SLC4A10: variants seen among roughly 807,000 people sequenced by gnomAD.
The protein encoded by SLC4A10 is solute carrier family 4 member 10, also known as sodium-driven chloride bicarbonate exchanger.
A neutral mutation model predicts 137.7 loss-of-function variants in SLC4A10; 42 were observed. The observed-to-expected ratio is 0.30, with a 90% CI of 0.24 to 0.39. The LOEUF (loss-of-function observed/expected upper bound fraction) is 0.39. Ranked by LOEUF, SLC4A10 falls within the 10% of genes least tolerant of loss-of-function variation. The pLI is 1.00. For missense variants in SLC4A10, 925 were observed against 1,355.0 expected (o/e 0.68, Z 4.98); for synonymous variants, 474 against 464.1 (o/e 1.02, Z -0.27).
At chr2:161,927,500 CA>C (rs1305467407) in intron 15 of SLC4A10, among the ~76,000 whole-genome samples, 3 of 152,146 alleles carry the variant, frequency 2.0e-5, no homozygotes, top group Non-Finnish European at 4.4e-5. Flanking sequence ...GCAATGGCAA[CA>C]AAAGCCAAAA....
intron 1 of SLC4A10, among the ~76,000 whole-genome samples, chr2:161,714,964 T>C (rs2044684156): frequency 6.6e-6 from 1 of 152,040 alleles, no homozygotes; most frequent in Non-Finnish European, 1.5e-5. Flanking sequence ...TGTATGTGTA[T>C]ATTTGTGTGT....
At chr2:161,734,885 G>A (rs2047177731) in intron 1 of SLC4A10, among the ~76,000 whole-genome samples, 1 of 151,896 alleles carries the variant, frequency 6.6e-6, no homozygotes, top group Admixed American at 6.6e-5. Context: ...GGATCATGGG[G>A]GTGGTTTCCC....
chr2:161,949,918 G>T (rs1223055008), intron 18 of SLC4A10, among the ~76,000 whole-genome samples: 1 of 151,628 alleles, frequency 6.6e-6, no homozygotes, highest in African/African-American at 2.4e-5. Flanking sequence ...TCATGTGAGC[G>T]CTCAAAAGTT....
chr2:161,887,308 T>G (rs746344903), intron 10 of SLC4A10, among the ~76,000 whole-genome samples: 1 of 152,176 alleles, frequency 6.6e-6, no homozygotes, highest in South Asian at 2.1e-4. Flanking sequence ...TAGAATGATT[T>G]AGAATTCTTC....
chr2:161,862,726 G>A (rs979652980), intron 5 of SLC4A10, 148 bp from the exon 6 acceptor site: 25 of 576,890 alleles, frequency 4.3e-5, no homozygotes, highest in African/African-American at 7.7e-5. Context: ...ATTTATAACA[G>A]CATGCTTAGA....
At chr2:161,804,821 T>C (rs983339793) in intron 3 of SLC4A10, among the ~76,000 whole-genome samples, 1 of 152,136 alleles carries the variant, frequency 6.6e-6, no homozygotes, top group Non-Finnish European at 1.5e-5. Flanking sequence ...ATATAGGAAA[T>C]ACAATTGAGT....
intron 15 of SLC4A10, among the ~76,000 whole-genome samples, chr2:161,922,050 A>T (rs1371790677): frequency 6.6e-6 from 1 of 152,198 alleles, no homozygotes; most frequent in African/African-American, 2.4e-5. Flanking sequence ...CTGTTGAAAG[A>T]ATCAGACATT....
chr2:161,741,258 C>CAAAAAAAAAAAAAAAAA (rs11314115), intron 1 of SLC4A10, among the ~76,000 whole-genome samples: 1 of 100,112 alleles, frequency 1.0e-5, no homozygotes, highest in African/African-American at 3.8e-5. Flanking sequence ...GAAAGACTCT[C>CAAAAAAAAAAAAAAAAA]AAAAAAAAAA....
intron 2 of SLC4A10, among the ~76,000 whole-genome samples, chr2:161,783,694 C>G (rs190366829): frequency 4.6e-5 from 7 of 151,370 alleles, no homozygotes. Flanking sequence ...AAGTTGTTAT[C>G]AGGAAAAAAT....
At chr2:161,680,534 G>C (rs1328615847) in intron 1 of SLC4A10, among the ~76,000 whole-genome samples, 1 of 151,936 alleles carries the variant, frequency 6.6e-6, no homozygotes, top group African/African-American at 2.4e-5. Flanking sequence ...TGAAAATGTG[G>C]GATGAGGTCA....
At chr2:161,653,052 C>A (rs934965486) in intron 1 of SLC4A10, among the ~76,000 whole-genome samples, 77 of 152,200 alleles carry the variant, frequency 5.1e-4, no homozygotes, top group African/African-American at 1.8e-3. Context: ...CTCCCTGCAT[C>A]CATGTTTTCT....
At chr2:161,978,313 A>G (rs1575978701) in intron 26 of SLC4A10, among the ~76,000 whole-genome samples, 1 of 143,802 alleles carries the variant, frequency 7.0e-6, no homozygotes, top group African/African-American at 2.6e-5. Flanking sequence ...CTTGAGCCCA[A>G]GAGGCAGAGG....
intron 1 of SLC4A10, among the ~76,000 whole-genome samples, chr2:161,678,402 T>G (rs747622944): frequency 4.6e-5 from 7 of 152,190 alleles, no homozygotes; most frequent in Non-Finnish European, 7.3e-5. Flanking sequence ...GAAATGGTTT[T>G]AAATAAGTAT....
intron 19 of SLC4A10, among the ~76,000 whole-genome samples, chr2:161,951,371 C>G (rs1375847477): frequency 1.3e-5 from 2 of 152,268 alleles, no homozygotes; most frequent in African/African-American, 4.8e-5. Context: ...GCAGATTTCA[C>G]TGTCTCTTTT....
chr2:161,865,029 A>C (rs1231968858), intron 6 of SLC4A10, among the ~76,000 whole-genome samples: 1 of 152,184 alleles, frequency 6.6e-6, no homozygotes, highest in Non-Finnish European at 1.5e-5. Context: ...TTTTGCTAGA[A>C]ATCAGATAAG....
chr2:161,786,499 T>C (rs2053636982), intron 2 of SLC4A10, among the ~76,000 whole-genome samples: 1 of 152,018 alleles, frequency 6.6e-6, no homozygotes, highest in Non-Finnish European at 1.5e-5. Flanking sequence ...GATTGCTTTA[T>C]AGGATCTTTG....
At chr2:161,841,927 C>T in intron 4 of SLC4A10, among the ~76,000 whole-genome samples, 1 of 152,230 alleles carries the variant, frequency 6.6e-6, no homozygotes, top group Non-Finnish European at 1.5e-5. Flanking sequence ...TAAATTTACA[C>T]AATAGGGATT....
At chr2:161,845,768 GACA>G (rs1267032833) in intron 4 of SLC4A10, among the ~76,000 whole-genome samples, 1 of 151,986 alleles carries the variant, frequency 6.6e-6, no homozygotes, top group African/African-American at 2.4e-5. Flanking sequence ...GGAGCAATTA[GACA>G]CCTACAGGCA....
intron 1 of SLC4A10, among the ~76,000 whole-genome samples, chr2:161,719,513 C>T (rs570206440): frequency 6.6e-6 from 1 of 152,130 alleles, no homozygotes; most frequent in African/African-American, 2.4e-5. Context: ...TTTACAGTCC[C>T]ACCAACAGTG....
Sources: allele counts gnomAD v4.1 joint callset (sites outside exome capture counted in the v4.1 genomes callset), GRCh38; gene constraint gnomAD v4.1.1; transcripts MANE v1.5; gene names NCBI Gene and HGNC (gene_info 2026-07-23, HGNC 2026-07-21).